PTPN14: variants seen among roughly 807,000 people sequenced by gnomAD.
The protein encoded by PTPN14 is protein tyrosine phosphatase non-receptor type 14.
A neutral mutation model predicts 126.8 loss-of-function variants in PTPN14; 53 were observed. The ratio of observed to expected loss-of-function variants is 0.42; its 90% CI spans 0.34 to 0.53. The LOEUF (loss-of-function observed/expected upper bound fraction) is 0.53, where lower values mean the gene tolerates loss of function less well. Ranked by LOEUF, PTPN14 falls within the 20% of genes least tolerant of loss-of-function variation. The pLI is 0.08. For missense variants in PTPN14, 1,257 were observed against 1,552.9 expected, an observed-to-expected ratio of 0.81 and a Z score of 3.20; for synonymous variants, 630 against 599.3, an observed-to-expected ratio of 1.05 and a Z score of -0.75.
intron 3 of PTPN14, among the ~76,000 whole-genome samples, chr1:214,438,346 G>A (rs1004549689): frequency 3.2e-4 from 48 of 152,164 alleles, no homozygotes; most frequent in African/African-American, 1.0e-3. Context: ...GCACCAGGCC[G>A]CGTCCTCTGC....
intron 16 of PTPN14, among the ~76,000 whole-genome samples, chr1:214,370,507 G>A (rs939300757): frequency 6.6e-6 from 1 of 152,004 alleles, no homozygotes; most frequent in Non-Finnish European, 1.5e-5. Context: ...GATGTTCAGC[G>A]CACAGCTCTT....
At chr1:214,499,334 T>C (rs143596036) in intron 1 of PTPN14, among the ~76,000 whole-genome samples, 1 of 151,984 alleles carries the variant, frequency 6.6e-6, no homozygotes, top group Non-Finnish European at 1.5e-5. Flanking sequence ...TATAGAACCC[T>C]AGAGAGACTG....
chr1:214,527,393 G>A (rs1386563934), intron 1 of PTPN14, among the ~76,000 whole-genome samples: 1 of 152,148 alleles, frequency 6.6e-6, no homozygotes, highest in Non-Finnish European at 1.5e-5. Flanking sequence ...AGGGGACTCA[G>A]CTCATTCTTA....
At chr1:214,449,968 A>G (rs915539539) in intron 3 of PTPN14, among the ~76,000 whole-genome samples, 3 of 151,912 alleles carry the variant, frequency 2.0e-5, no homozygotes, top group Non-Finnish European at 2.9e-5. Context: ...TCATCTCTAC[A>G]AAATTAGAAG....
At chr1:214,382,434 AC>A (rs1484569481) in intron 13 of PTPN14, among the ~76,000 whole-genome samples, 3 of 152,046 alleles carry the variant, frequency 2.0e-5, no homozygotes, top group Non-Finnish European at 4.4e-5. Flanking sequence ...CGATCCTCCC[AC>A]CTCAGCCTCC....
chr1:214,398,640 GAC>G (rs1658944541), intron 7 of PTPN14, among the ~76,000 whole-genome samples: 1 of 48,688 alleles, frequency 2.1e-5, no homozygotes, highest in Admixed American at 1.9e-4. Flanking sequence ...TTTTTTTACA[GAC>G]AGGGTCTTGC....
At chr1:214,433,953 A>C (rs11120322) in intron 3 of PTPN14, among the ~76,000 whole-genome samples, 2,183 of 11,258 alleles carry the variant, frequency 0.19, 36 homozygotes, top group Middle Eastern at 0.4. Context: ...CACACACACA[A>C]AAAAAAAAAA....
chr1:214,537,062 G>A (rs942490179), intron 1 of PTPN14, among the ~76,000 whole-genome samples: 3 of 152,174 alleles, frequency 2.0e-5, no homozygotes, highest in African/African-American at 4.8e-5. Flanking sequence ...AATCTGGTAT[G>A]CTTCAAGTTT....
intron 11 of PTPN14, among the ~76,000 whole-genome samples, chr1:214,387,448 T>C (rs939848463): frequency 1.3e-5 from 2 of 151,910 alleles, no homozygotes; most frequent in Admixed American, 6.6e-5. Context: ...GACTTGGAGG[T>C]TGCAGTGAGC....
In PTPN14 at chr1:214,364,602, C is replaced by T. The variant is rs549825537; in HGVS notation, c.3345G>A (p.Pro1115=). The T allele has an allele frequency of 1.2e-5, 19 of 1,614,020 alleles. No homozygotes were observed. Among genetic ancestry groups the T allele is most frequent in the African/African-American group, 8.0e-5 (6 of 75,012 alleles). Residue 1115 remains proline (P), a synonymous_variant, in exon 18 of 19, where the codon CCG becomes CCA. Transcript: ENST00000366956. The surrounding 1 kb of genome is among the most constrained non-coding windows in gnomAD (Gnocchi z 4.1). ...SMLEGTKNRH[P]PIVVHCSAGV... ...CAGCACTACAGTGGACCACGATGGG[C>T]GGGTGCCGGTTCTTGGTGCCTTCCA...
Position 214,384,010 on chromosome 1 carries a change from C to G in PTPN14, c.1845G>C (p.Pro615=). ...SVKTFQEDSS[P]VVHQSLQEVS... The stretch of plus-strand genomic sequence containing the variant: ...CCTCCTGGAGAGACTGATGAACCAC[C>G]GGAGAGCTGTCCTCTTGGAAGGTCT... The change falls in exon 13 of 19, where the codon CCG becomes CCC. Residue 615 remains proline (P), a synonymous_variant. Coordinates refer to ENST00000366956, the MANE Select transcript of PTPN14 (RefSeq NM_005401.5). The surrounding 1 kb of genome is among the most constrained non-coding windows in gnomAD (Gnocchi z 5.3). The G allele has an allele frequency of 6.2e-7, 1 of 1,606,190 alleles. No homozygotes were observed. The highest frequency in any genetic ancestry group is 1.7e-5 in the Admixed American group (1 of 59,946).
intron 1 of PTPN14, among the ~76,000 whole-genome samples, chr1:214,546,190 CT>C (rs1248152089): frequency 6.6e-6 from 1 of 152,146 alleles, no homozygotes; most frequent in Non-Finnish European, 1.5e-5. Context: ...CCCAGGAGCT[CT>C]TTGGAAATGG....
At chr1:214,505,204 G>A (rs933536539) in intron 1 of PTPN14, among the ~76,000 whole-genome samples, 2 of 151,836 alleles carry the variant, frequency 1.3e-5, no homozygotes, top group African/African-American at 4.8e-5. Flanking sequence ...AGTGTGACAG[G>A]AGGACATGGG....
intron 2 of PTPN14, among the ~76,000 whole-genome samples, chr1:214,464,216 C>CAAAAAAAAAA (rs11316078): frequency 8.2e-6 from 1 of 121,978 alleles, no homozygotes; most frequent in Admixed American, 8.5e-5. Context: ...TAGAAACAAC[C>CAAAAAAAAAA]AAAAAAAAAA....
chr1:214,420,825 G>A (rs974272475), intron 3 of PTPN14, among the ~76,000 whole-genome samples: 9 of 152,184 alleles, frequency 5.9e-5, no homozygotes, highest in South Asian at 2.1e-4. Context: ...AAAAGGGCCC[G>A]ACATGGTTCC....
rs896885450 is a variant in PTPN14 at position 214,350,354 on chromosome 1, A to G, written c.*7568T>C. 6.6e-6 allele frequency: 1 copy of G among 152,136 alleles called. No individual in the cohort carries two copies. Among genetic ancestry groups the G allele is most frequent in the African/African-American group, 2.4e-5 (1 of 41,424 alleles). The allele number at this position is 152,136 out of a possible 1,614,324, so 9.4% of individuals were successfully genotyped here. A position where few individuals can be genotyped will look rare whatever the true frequency, so the allele number is the denominator to read the frequency against. On this transcript the variant is annotated 3_prime_UTR_variant, in exon 19 of 19. Transcript: ENST00000366956. ...AAATGCAGCCTCTCTCAATCTATAT[A>G]AGTTCACCTCGAAATACATATTAAG...
chr1:214,425,862 A>G (rs1376098680), intron 3 of PTPN14, among the ~76,000 whole-genome samples: 1 of 152,220 alleles, frequency 6.6e-6, no homozygotes, highest in African/African-American at 2.4e-5. Flanking sequence ...AATATTCGCA[A>G]CAACCCTGCA....
At chr1:214,458,109 G>C (rs1464095082) in intron 2 of PTPN14, among the ~76,000 whole-genome samples, 2 of 152,156 alleles carry the variant, frequency 1.3e-5, no homozygotes, top group African/African-American at 4.8e-5. Context: ...GAGTGCAGTA[G>C]TATGTTAATA....
At chr1:214,468,312 T>C (rs898959140) in intron 1 of PTPN14, among the ~76,000 whole-genome samples, 2 of 152,072 alleles carry the variant, frequency 1.3e-5, no homozygotes, top group Non-Finnish European at 2.9e-5. Flanking sequence ...TCCTAGCACT[T>C]TGGGAGGCCA....
Sources: gnomAD v4.1 joint callset for allele counts (sites outside exome capture counted in the v4.1 genomes callset) on GRCh38, gnomAD v4.1.1 for gene constraint, Gnocchi (gnomAD v3.1) non-coding constraint, MANE v1.5 for transcripts, NCBI Gene and HGNC (gene_info 2026-07-23, HGNC 2026-07-21) for gene names.